SPAG16: variants seen among roughly 807,000 people sequenced by gnomAD.
The protein encoded by SPAG16 is sperm associated antigen 16.
A neutral mutation model predicts 80.4 loss-of-function variants in SPAG16; 86 were observed. The ratio of observed to expected loss-of-function variants is 1.07; its 90% CI spans 0.90 to 1.28. The LOEUF (loss-of-function observed/expected upper bound fraction) is 1.28, where lower values mean the gene tolerates loss of function less well. SPAG16 is among the 50% of genes most tolerant of loss of function. SPAG16 has a pLI of 0.00. For synonymous variants in SPAG16, 294 were observed against 265.9 expected (o/e 1.11, Z -1.03); for missense variants, 870 against 765.3 (o/e 1.14, Z -1.61).
intron 10 of SPAG16, among the ~76,000 whole-genome samples, chr2:213,725,860 C>T (rs779151328): frequency 3.9e-5 from 6 of 152,172 alleles, no homozygotes; most frequent in South Asian, 2.1e-4. Flanking sequence ...AAGGGGAAGA[C>T]ATAGCTGGCT....
intron 13 of SPAG16, among the ~76,000 whole-genome samples, chr2:214,020,676 C>G (rs1156686392): frequency 2.0e-5 from 3 of 152,166 alleles, no homozygotes; most frequent in Non-Finnish European, 4.4e-5. Flanking sequence ...ATGATCTGTA[C>G]TTACCAATGT....
chr2:214,101,242 G>A (rs546412112), intron 13 of SPAG16, among the ~76,000 whole-genome samples: 21 of 151,966 alleles, frequency 1.4e-4, no homozygotes, highest in Non-Finnish European at 2.2e-4. Context: ...TAGGGTTCAC[G>A]GTCAGTCAGG....
intron 15 of SPAG16, among the ~76,000 whole-genome samples, chr2:214,223,821 G>A (rs981478688): frequency 5.9e-5 from 9 of 152,122 alleles, no homozygotes; most frequent in Admixed American, 2.6e-4. Flanking sequence ...CAGAAAACTC[G>A]CAATGTAGTG....
intron 10 of SPAG16, among the ~76,000 whole-genome samples, chr2:213,610,160 A>C (rs2061396926): frequency 6.6e-6 from 1 of 152,152 alleles, no homozygotes. Flanking sequence ...TTTACTGTTA[A>C]GTATTGAGGG....
At chr2:213,986,116 G>C (rs565929405) in intron 12 of SPAG16, among the ~76,000 whole-genome samples, 1 of 152,196 alleles carries the variant, frequency 6.6e-6, no homozygotes, top group South Asian at 2.1e-4. Context: ...TGGGAATACA[G>C]ACAAAGAGAC....
At chr2:214,034,291 A>G (rs2048571775) in intron 13 of SPAG16, among the ~76,000 whole-genome samples, 1 of 152,252 alleles carries the variant, frequency 6.6e-6, no homozygotes, top group South Asian at 2.1e-4. Context: ...ACTGTAAAGC[A>G]GAATATTTAA....
chr2:213,853,891 G>C (rs2075029940), intron 10 of SPAG16, among the ~76,000 whole-genome samples: 1 of 152,160 alleles, frequency 6.6e-6, no homozygotes, highest in Non-Finnish European at 1.5e-5. Flanking sequence ...CAAAGCTTGA[G>C]GAGGGGTATC....
At chr2:213,869,178 G>A (rs534610467) in intron 11 of SPAG16, among the ~76,000 whole-genome samples, 2 of 149,176 alleles carry the variant, frequency 1.3e-5, no homozygotes, top group African/African-American at 4.9e-5. Flanking sequence ...ACTTGAACCC[G>A]GGAGGCGGAG....
In SPAG16 at chr2:214,144,379, T is replaced by G. The variant is rs190812977; in HGVS notation, c.1594-4761T>G. On this transcript the variant is annotated intron_variant, in intron 14 of 15. Coordinates refer to ENST00000331683, the MANE Select transcript of SPAG16 (RefSeq NM_024532.5). Reference sequence around the variant, plus strand: ...TGTACATGTGTATTATATACTTTAATGTAACCACAGTTTGGCATAAATTTT... The same window carrying G: ...TGTACATGTGTATTATATACTTTAAGGTAACCACAGTTTGGCATAAATTTT... Among the ~76,000 whole-genome samples the G allele has an allele frequency of 2.6e-5, 4 of 152,254 alleles. No individual in the cohort carries two copies. The East Asian group carries it at 7.7e-4, about 29-fold the overall frequency.
chr2:214,094,120 C>G (rs897631576), intron 13 of SPAG16, among the ~76,000 whole-genome samples: 2 of 152,092 alleles, frequency 1.3e-5, no homozygotes, highest in Non-Finnish European at 2.9e-5. Context: ...CTTCCCAAAT[C>G]AGAGTTCAGT....
chr2:214,007,801 A>T (rs113640454), intron 12 of SPAG16, among the ~76,000 whole-genome samples: 2,189 of 152,220 alleles, frequency 0.014, 62 homozygotes, highest in African/African-American at 0.05. Flanking sequence ...ACTTAGGTGC[A>T]TTCTTTCTGT....
intron 15 of SPAG16, among the ~76,000 whole-genome samples, chr2:214,312,633 G>T (rs1695410834): frequency 6.6e-6 from 1 of 152,074 alleles, no homozygotes; most frequent in Non-Finnish European, 1.5e-5. Context: ...GTGTTGATTT[G>T]ATTTATGGGA....
chr2:213,761,367 A>C (rs1439024485), intron 10 of SPAG16, among the ~76,000 whole-genome samples: 1 of 152,190 alleles, frequency 6.6e-6, no homozygotes, highest in Non-Finnish European at 1.5e-5. Flanking sequence ...ATAACAAATT[A>C]AACCTAAAGC....
intron 15 of SPAG16, among the ~76,000 whole-genome samples, chr2:214,346,321 C>G (rs1576838770): frequency 6.6e-6 from 1 of 152,092 alleles, no homozygotes. Flanking sequence ...GTTCATTTCT[C>G]TTATGACTAA....
chr2:213,879,342 C>T (rs2076258688), intron 11 of SPAG16, among the ~76,000 whole-genome samples: 1 of 150,762 alleles, frequency 6.6e-6, no homozygotes, highest in South Asian at 2.1e-4. Context: ...TTGTAGTTTT[C>T]TTTGTAGAGA....
intron 15 of SPAG16, among the ~76,000 whole-genome samples, chr2:214,160,316 A>G (rs1180805875): frequency 1.3e-5 from 2 of 151,922 alleles, no homozygotes; most frequent in East Asian, 1.9e-4. Flanking sequence ...TATGCCTTTC[A>G]TAATATTTGA....
At chr2:213,989,572 A>G (rs1183942097) in intron 12 of SPAG16, among the ~76,000 whole-genome samples, 1 of 152,114 alleles carries the variant, frequency 6.6e-6, no homozygotes, top group Non-Finnish European at 1.5e-5. Flanking sequence ...TGGCTTCAGG[A>G]TAGACCACAG....
intron 10 of SPAG16, among the ~76,000 whole-genome samples, chr2:213,740,080 TC>T (rs2067476181): frequency 6.6e-6 from 1 of 152,190 alleles, no homozygotes; most frequent in South Asian, 2.1e-4. Flanking sequence ...ATAAAATGAC[TC>T]CTTTCCTTAG....
chr2:214,086,990 G>A (rs903413657), intron 13 of SPAG16, among the ~76,000 whole-genome samples: 1 of 152,112 alleles, frequency 6.6e-6, no homozygotes, highest in African/African-American at 2.4e-5. Flanking sequence ...GATTCAAAGA[G>A]AGACACTTTA....
Sources: allele counts gnomAD v4.1 joint callset (sites outside exome capture counted in the v4.1 genomes callset), GRCh38; gene constraint gnomAD v4.1.1; transcripts MANE v1.5; gene names NCBI Gene and HGNC (gene_info 2026-07-23, HGNC 2026-07-21).